STRBP: variants seen among roughly 807,000 people sequenced by gnomAD.
STRBP encodes spermatid perinuclear RNA binding protein.
A neutral mutation model predicts 80.1 loss-of-function variants in STRBP; 13 were observed. The observed-to-expected ratio is 0.16, with a 90% CI of 0.11 to 0.26. The LOEUF is 0.26. STRBP is among the 10% of genes least tolerant of loss of function. The probability of loss-of-function intolerance (pLI) is 1.00; values close to 1 mark genes in which losing one functional copy is unlikely to be tolerated. For synonymous variants in STRBP, 284 were observed against 291.2 expected, an observed-to-expected ratio of 0.98 and a Z score of 0.25; for missense variants, 485 against 815.2, an observed-to-expected ratio of 0.59 and a Z score of 4.93.
chr9:123,204,871 C>T (rs759695222), intron 2 of STRBP, among the ~76,000 whole-genome samples: 5 of 145,836 alleles, frequency 3.4e-5, no homozygotes, highest in South Asian at 2.2e-4. Context: ...TTGCAGTGAG[C>T]CGAGACTGCG....
intron 2 of STRBP, among the ~76,000 whole-genome samples, chr9:123,208,119 T>C (rs536606043): frequency 1.5e-3 from 231 of 151,606 alleles, no homozygotes; most frequent in Non-Finnish European, 2.7e-3. Flanking sequence ...ACTGTAAGTT[T>C]TTTTTTTTTT....
At chr9:123,193,723 C>T (rs2039002553) in intron 2 of STRBP, among the ~76,000 whole-genome samples, 1 of 151,892 alleles carries the variant, frequency 6.6e-6, no homozygotes, top group Non-Finnish European at 1.5e-5. Context: ...CTTTTCATGC[C>T]CTCATTTCTG....
chr9:123,251,236 A>G (rs914180772), intron 1 of STRBP, among the ~76,000 whole-genome samples: 1 of 150,698 alleles, frequency 6.6e-6, no homozygotes, highest in African/African-American at 2.4e-5. Flanking sequence ...TCTCTCAAAG[A>G]AGAAGAAGAA....
intron 2 of STRBP, among the ~76,000 whole-genome samples, chr9:123,219,913 TAAAG>T (rs1159154025): frequency 1.3e-5 from 2 of 152,118 alleles, no homozygotes; most frequent in Non-Finnish European, 2.9e-5. Context: ...TCCCCGTGCT[TAAAG>T]AAAATAACTG....
chr9:123,147,220 A>G (rs1180801728), intron 12 of STRBP, among the ~76,000 whole-genome samples, 166 bp from the exon 13 acceptor site: 6 of 152,184 alleles, frequency 3.9e-5, no homozygotes, highest in Non-Finnish European at 7.3e-5. Flanking sequence ...TATTATGCTA[A>G]TATCACTATA....
chr9:123,185,942 G>C (rs1028738464), intron 2 of STRBP, among the ~76,000 whole-genome samples: 1 of 145,958 alleles, frequency 6.9e-6, no homozygotes, highest in Non-Finnish European at 1.5e-5. Context: ...TGAGGCAGGA[G>C]AATGGCGTGA....
intron 11 of STRBP, 104 bp from the exon 12 acceptor site, chr9:123,147,974 C>T: frequency 1.0e-6 from 1 of 983,566 alleles, no homozygotes; most frequent in Non-Finnish European, 1.4e-6. Context: ...GGAATCACAC[C>T]AAGGACCATA....
chr9:123,111,760 A>G, intron 3 of STRBP: 1 of 374,518 alleles, frequency 2.7e-6, no homozygotes, highest in Non-Finnish European at 5.5e-6. Flanking sequence ...AAACCCAGAA[A>G]CTTCACTAGA....
chr9:123,227,560 T>C (rs918708968), intron 2 of STRBP, among the ~76,000 whole-genome samples: 5 of 148,380 alleles, frequency 3.4e-5, no homozygotes, highest in Admixed American at 6.6e-5. Flanking sequence ...TCTCTTTTTT[T>C]TTTTTTCTTT....
chr9:123,209,778 A>C (rs1423411409), intron 2 of STRBP, among the ~76,000 whole-genome samples: 1 of 152,218 alleles, frequency 6.6e-6, no homozygotes, highest in Non-Finnish European at 1.5e-5. Context: ...CTCAGTAATA[A>C]AAATAATTTT....
At chr9:123,177,828 C>T (rs2132446931) in intron 4 of STRBP, among the ~76,000 whole-genome samples, 1 of 152,238 alleles carries the variant, frequency 6.6e-6, no homozygotes. Context: ...TTTAACATGA[C>T]ATAAACATGT....
chr9:123,110,562 G>A lies in STRBP; in HGVS notation c.*85-809C>T, dbSNP rs983490671. The A allele has an allele frequency of 5.9e-6, 1 of 169,568 alleles. No homozygotes were observed. Among genetic ancestry groups the A allele is most frequent in the African/African-American group, 2.4e-5 (1 of 41,504 alleles). The allele number at this position is 169,568 out of a possible 1,614,324, so 10.5% of individuals were successfully genotyped here. On this transcript the variant is annotated intron_variant and NMD_transcript_variant, in intron 3 of 3. Transcript: ENST00000471564. This position sits in a 1 kb window ranked among gnomAD's most constrained non-coding sequence, Gnocchi z 4.1. ...GGGAAAACGGGATAAACACTGCTAG[G>A]AGCTAAAAAGTATATGGTGTCTGCC...
intron 2 of STRBP, among the ~76,000 whole-genome samples, chr9:123,235,499 C>G (rs1377302249): frequency 1.1e-5 from 1 of 92,500 alleles, no homozygotes; most frequent in Non-Finnish European, 2.0e-5. Flanking sequence ...GAACTAAGAG[C>G]AACTTCAGGA....
At chr9:123,202,696 A>G (rs552439411) in intron 2 of STRBP, among the ~76,000 whole-genome samples, 1 of 152,346 alleles carries the variant, frequency 6.6e-6, no homozygotes, top group East Asian at 1.9e-4. Flanking sequence ...ATAAAAGAGT[A>G]TAACTGGAAT....
At chr9:123,241,727 T>C (rs2040699978) in intron 1 of STRBP, among the ~76,000 whole-genome samples, 1 of 152,164 alleles carries the variant, frequency 6.6e-6, no homozygotes, top group African/African-American at 2.4e-5. Context: ...CTGAATCCTT[T>C]CCTAGAATAA....
chr9:123,178,061 T>C (rs1291631927), intron 4 of STRBP, among the ~76,000 whole-genome samples: 1 of 152,176 alleles, frequency 6.6e-6, no homozygotes, highest in East Asian at 1.9e-4. Flanking sequence ...CTGTAAATAG[T>C]TTAAAAAAAT....
At chr9:123,207,809 A>G (rs972021453) in intron 2 of STRBP, among the ~76,000 whole-genome samples, 10 of 152,238 alleles carry the variant, frequency 6.6e-5, no homozygotes, top group Admixed American at 2.0e-4. Flanking sequence ...CTTAGAGGAA[A>G]AAAATCTGAA....
At chr9:123,263,918 G>A (rs754082164) in intron 1 of STRBP, among the ~76,000 whole-genome samples, 3 of 152,302 alleles carry the variant, frequency 2.0e-5, no homozygotes, top group Admixed American at 6.5e-5. Flanking sequence ...GATGGCTCAC[G>A]CCTGTAATCC....
intron 1 of STRBP, among the ~76,000 whole-genome samples, chr9:123,246,513 T>C (rs1308738152): frequency 2.0e-5 from 3 of 152,186 alleles, no homozygotes; most frequent in African/African-American, 2.4e-5. Context: ...TGGAGTTTCA[T>C]TGGGGTTTAG....
Sources: allele counts gnomAD v4.1 joint callset (sites outside exome capture counted in the v4.1 genomes callset), GRCh38; gene constraint gnomAD v4.1.1; non-coding constraint Gnocchi (gnomAD v3.1); transcripts MANE v1.5; gene names NCBI Gene and HGNC (gene_info 2026-07-23, HGNC 2026-07-21).